MED15: variants seen among roughly 807,000 people sequenced by gnomAD.
MED15 encodes the protein mediator of RNA polymerase II transcription subunit 15.
A neutral mutation model predicts 118.7 loss-of-function variants in MED15; 41 were observed. The ratio of observed to expected loss-of-function variants is 0.35; its 90% CI spans 0.27 to 0.45. The LOEUF (loss-of-function observed/expected upper bound fraction) is 0.45, where lower values mean the gene tolerates loss of function less well. MED15 is among the 20% of genes least tolerant of loss of function. The probability of loss-of-function intolerance (pLI) is 1.00; values close to 1 mark genes in which losing one functional copy is unlikely to be tolerated. For missense variants in MED15, 740 were observed against 1,025.5 expected (o/e 0.72, Z 3.80); for synonymous variants, 436 against 413.9 (o/e 1.05, Z -0.65).
chr22:20,539,670 G>A (rs1471414709), intron 2 of MED15, among the ~76,000 whole-genome samples: 1 of 152,190 alleles, frequency 6.6e-6, no homozygotes, highest in Non-Finnish European at 1.5e-5. Flanking sequence ...GTTTCCCAAA[G>A]CAACTGTACT....
At chr22:20,532,972 G>GT (rs1014858360) in intron 1 of MED15, among the ~76,000 whole-genome samples, 1 of 152,180 alleles carries the variant, frequency 6.6e-6, no homozygotes, top group African/African-American at 2.4e-5. Context: ...TTGTGTGATA[G>GT]TTTCCTTTCA....
At chr22:20,583,620 C>G in intron 13 of MED15, 1 of 550,924 alleles carries the variant, frequency 1.8e-6, no homozygotes, top group Non-Finnish European at 3.2e-6. Flanking sequence ...CTGTGGCCCT[C>G]ATGCTGGGCC....
chr22:20,518,589 T>C (rs2054335204), intron 1 of MED15, among the ~76,000 whole-genome samples: 1 of 152,162 alleles, frequency 6.6e-6, no homozygotes. Flanking sequence ...GATTAACTAT[T>C]TTTTGCCTTG....
At chr22:20,518,958 T>G (rs1408730545) in intron 1 of MED15, 1 of 431,140 alleles carries the variant, frequency 2.3e-6, no homozygotes, top group South Asian at 1.6e-5. Flanking sequence ...GCTCAAGCGA[T>G]CCTCCCACGT....
intron 2 of MED15, among the ~76,000 whole-genome samples, chr22:20,539,255 T>C (rs2055198173): frequency 6.6e-6 from 1 of 151,958 alleles, no homozygotes; most frequent in Non-Finnish European, 1.5e-5. Flanking sequence ...TGTGCCACCA[T>C]GCCTGGCTAA....
At chr22:20,521,282 A>C (rs1325751591) in intron 1 of MED15, among the ~76,000 whole-genome samples, 3 of 150,546 alleles carry the variant, frequency 2.0e-5, no homozygotes, top group Non-Finnish European at 4.4e-5. Flanking sequence ...TTTTTAGTAG[A>C]GACTGGGTTT....
At chr22:20,566,424 A>G (rs1366532520) in intron 6 of MED15, 43 bp from the exon 7 acceptor site, 2 of 1,600,558 alleles carry the variant, frequency 1.2e-6, no homozygotes, top group Admixed American at 3.3e-5. Flanking sequence ...GGTGCCACAG[A>G]GGCAGATGAG....
chr22:20,512,514 G>C (rs1375459551), intron 1 of MED15, among the ~76,000 whole-genome samples: 1 of 151,136 alleles, frequency 6.6e-6, no homozygotes, highest in Non-Finnish European at 1.5e-5. Flanking sequence ...TACCTATGAA[G>C]CTTGGTACCT....
intron 1 of MED15, among the ~76,000 whole-genome samples, chr22:20,512,161 A>G (rs897287923): frequency 6.7e-6 from 1 of 150,372 alleles, no homozygotes; most frequent in African/African-American, 2.4e-5. Context: ...ACTGATTTTT[A>G]TATTTTTTGT....
At chr22:20,516,001 A>AAAAC (rs111688168) in intron 1 of MED15, among the ~76,000 whole-genome samples, 128,318 of 149,998 alleles carry the variant, frequency 0.86, 55,239 homozygotes, top group African/African-American at 0.95. Flanking sequence ...ACTCTGTCTC[A>AAAAC]AAACAAACAA....
chr22:20,585,212 C>A lies in MED15; in HGVS notation c.2076C>A (p.Asn692Lys). Residue 692 changes from asparagine to lysine, a missense_variant, in exon 16 of 18, where the codon AAC becomes AAA. Transcript: ENST00000263205. ...GGCTGGACCCCAAGTTCCTGGTAAA[C>A]CTGGACCCTTCTCACTGCAGCAACA... is the stretch of plus-strand genomic sequence containing the variant. ...VARLDPKFLVNLDPSHCSNNG... is the reference protein window; with the variant it reads ...VARLDPKFLVKLDPSHCSNNG... 1 of 1,613,742 alleles carries A rather than the reference C, an allele frequency of 6.2e-7. No individual in the cohort carries two copies. The highest frequency in any genetic ancestry group is 1.1e-5 in the South Asian group (1 of 91,082).
intron 3 of MED15, 191 bp downstream of exon 3, chr22:20,551,678 G>T: frequency 1.6e-6 from 1 of 628,516 alleles, no homozygotes; most frequent in South Asian, 1.8e-5. Flanking sequence ...CAGAGCCTTG[G>T]CCTCAAAAAT....
chr22:20,517,243 A>C (rs2054286027), intron 1 of MED15, among the ~76,000 whole-genome samples: 2 of 151,822 alleles, frequency 1.3e-5, no homozygotes, highest in African/African-American at 4.8e-5. Context: ...GGCCATCCCC[A>C]GTTATTTTGA....
chr22:20,546,857 C>T (rs377694591), intron 2 of MED15, among the ~76,000 whole-genome samples: 2 of 152,082 alleles, frequency 1.3e-5, no homozygotes, highest in South Asian at 4.1e-4. Context: ...AGGGAGTGAA[C>T]CCTGGGGACT....
Position 20,566,806 on chromosome 22 carries a change from C to T in MED15, c.1030C>T (p.Pro344Ser). 1 of 1,613,278 alleles carries T rather than the reference C, an allele frequency of 6.2e-7. No individual in the cohort carries two copies. Among genetic ancestry groups the T allele is most frequent in the Non-Finnish European group, 8.5e-7 (1 of 1,179,198 alleles). ...LPGQMLYTQPPLKFVRAPMVV... is the reference protein window; with the variant it reads ...LPGQMLYTQPSLKFVRAPMVV... ...TGGACAAATGTTGTATACCCAACCA[C>T]CACTGAAATTTGTGAGTACCTGTGG... Residue 344 changes from proline to serine, a missense_variant, in exon 7 of 18, where the codon CCA becomes TCA. Pro to Ser is a moderately conservative substitution (Grantham distance 74). Transcript: ENST00000263205.
At chr22:20,555,616 CTG>C (rs1569214828) in intron 5 of MED15, among the ~76,000 whole-genome samples, 1 of 152,250 alleles carries the variant, frequency 6.6e-6, no homozygotes, top group Non-Finnish European at 1.5e-5. Context: ...GAAGGAGACT[CTG>C]TGTCCTCTCC....
chr22:20,584,806 G>T, intron 14 of MED15, 49 bp from the exon 15 acceptor site: 1 of 1,602,998 alleles, frequency 6.2e-7, no homozygotes. Flanking sequence ...CCCCCTAAAT[G>T]GGGAACCCTC....
chr22:20,549,039 G>T (rs142925472), intron 2 of MED15, among the ~76,000 whole-genome samples: 1 of 152,158 alleles, frequency 6.6e-6, no homozygotes, highest in Non-Finnish European at 1.5e-5. Context: ...GGCCTCAAGG[G>T]ACCCTCCTGC....
chr22:20,585,411 C>A, intron 16 of MED15, 144 bp downstream of exon 16: 2 of 1,124,352 alleles, frequency 1.8e-6, no homozygotes, highest in Non-Finnish European at 2.5e-6. Flanking sequence ...TATCCTCACA[C>A]ACACCGGGCT....
Sources: gnomAD v4.1 joint callset for allele counts (sites outside exome capture counted in the v4.1 genomes callset) on GRCh38, gnomAD v4.1.1 for gene constraint, MANE v1.5 for transcripts, NCBI Gene and HGNC (gene_info 2026-07-23, HGNC 2026-07-21) for gene names.